EML5: variants seen among roughly 807,000 people sequenced by gnomAD.
EML5 encodes the protein EMAP like 5.
A neutral mutation model predicts 250.0 loss-of-function variants in EML5; 120 were observed. The ratio of observed to expected loss-of-function variants is 0.48; its 90% CI spans 0.41 to 0.56. The LOEUF (loss-of-function observed/expected upper bound fraction) is 0.56. Ranked by LOEUF, EML5 falls within the 20% of genes least tolerant of loss-of-function variation. The pLI, the probability that EML5 is intolerant of heterozygous loss-of-function variation, is 0.00. For missense variants in EML5, 2,006 were observed against 2,437.6 expected (o/e 0.82, Z 3.73); for synonymous variants, 771 against 806.5 (o/e 0.96, Z 0.75).
chr14:88,642,189 T>C (rs933113849), intron 31 of EML5, among the ~76,000 whole-genome samples: 13 of 152,206 alleles, frequency 8.5e-5, no homozygotes. Flanking sequence ...AGATAACCTT[T>C]ATTTTTACTT....
chr14:88,728,953 T>C (rs976526583), intron 7 of EML5, among the ~76,000 whole-genome samples: 3 of 152,198 alleles, frequency 2.0e-5, no homozygotes, highest in Admixed American at 6.5e-5. Flanking sequence ...AATGCTTTTA[T>C]AGTATTTTTA....
intron 7 of EML5, among the ~76,000 whole-genome samples, chr14:88,728,571 G>C (rs893087529): frequency 2.6e-5 from 4 of 152,090 alleles, no homozygotes; most frequent in African/African-American, 9.7e-5. Context: ...AGTAGAAGTG[G>C]ATCATCATAA....
intron 1 of EML5, among the ~76,000 whole-genome samples, chr14:88,766,923 T>G (rs564076185): frequency 6.6e-6 from 1 of 152,346 alleles, no homozygotes; most frequent in South Asian, 2.1e-4. Context: ...TTTCCCCCGA[T>G]AGCACACAGT....
At chr14:88,786,256 T>C (rs936883054) in intron 1 of EML5, among the ~76,000 whole-genome samples, 3 of 152,192 alleles carry the variant, frequency 2.0e-5, no homozygotes, top group African/African-American at 2.4e-5. Context: ...TTTCTCACCT[T>C]CTTTTCCTTA....
chr14:88,620,890 G>C lies in EML5; in HGVS notation c.5239C>G (p.Arg1747Gly). 6.5e-7 allele frequency: 1 copy of C among 1,534,188 alleles called. No individual in the cohort carries two copies. Among genetic ancestry groups the C allele is most frequent in the Non-Finnish European group, 8.7e-7 (1 of 1,146,858 alleles). Residue 1747 changes from arginine (R) to glycine (G), a missense_variant, in exon 39 of 44, where the codon CGT (arginine) becomes GGT (glycine). By Grantham distance (125) the Arg-to-Gly change is moderately radical. Coordinates refer to ENST00000554922, the MANE Select transcript of EML5 (RefSeq NM_183387.3). The surrounding 1 kb of genome is among the most constrained non-coding windows in gnomAD (Gnocchi z 4.3). The stretch of plus-strand genomic sequence containing the variant: ...CCTTCAGGGCTGTAACACACAGTAC[G>C]AGCAGCATGTCCCAAATTCACTTTG... Reference protein sequence around the residue: ...LNKVNLGHAARTVCYSPEGDM... With the variant: ...LNKVNLGHAAGTVCYSPEGDM...
At chr14:88,653,568 C>G (rs959537167) in intron 27 of EML5, among the ~76,000 whole-genome samples, 1 of 152,040 alleles carries the variant, frequency 6.6e-6, no homozygotes, top group Non-Finnish European at 1.5e-5. Flanking sequence ...TGGTTTTTGT[C>G]ATTGGTTCTG....
intron 25 of EML5, among the ~76,000 whole-genome samples, chr14:88,660,850 G>A (rs1452189432): frequency 6.6e-6 from 1 of 151,912 alleles, no homozygotes; most frequent in Non-Finnish European, 1.5e-5. Flanking sequence ...GATTTAAAAT[G>A]CACATATATT....
chr14:88,668,303 G>C (rs2092361820), intron 21 of EML5, among the ~76,000 whole-genome samples: 1 of 152,150 alleles, frequency 6.6e-6, no homozygotes, highest in Non-Finnish European at 1.5e-5. Context: ...AGAAGCGCTG[G>C]AGCAGTCCTA....
chr14:88,669,594 G>C (rs888432285), intron 21 of EML5, among the ~76,000 whole-genome samples: 1 of 152,086 alleles, frequency 6.6e-6, no homozygotes, highest in Non-Finnish European at 1.5e-5. Context: ...TGATCTCCCA[G>C]GGACTGAGCT....
chr14:88,647,940 T>C (rs554436325), intron 28 of EML5, among the ~76,000 whole-genome samples: 1 of 152,266 alleles, frequency 6.6e-6, no homozygotes, highest in African/African-American at 2.4e-5. Context: ...CTGGAGATAC[T>C]TCAAAGGAAA....
At chr14:88,776,208 A>G (rs2094445923) in intron 1 of EML5, among the ~76,000 whole-genome samples, 1 of 152,202 alleles carries the variant, frequency 6.6e-6, no homozygotes, top group African/African-American at 2.4e-5. Flanking sequence ...CCAGACACCA[A>G]AGAATATCTA....
chr14:88,779,856 T>C (rs564072773), intron 1 of EML5, among the ~76,000 whole-genome samples: 1 of 152,354 alleles, frequency 6.6e-6, no homozygotes, highest in South Asian at 2.1e-4. Flanking sequence ...TGTGAGTTCA[T>C]ATGGACATTT....
intron 8 of EML5, among the ~76,000 whole-genome samples, chr14:88,718,951 A>C (rs2093547128): frequency 6.6e-6 from 1 of 152,194 alleles, no homozygotes; most frequent in Non-Finnish European, 1.5e-5. Flanking sequence ...AGAGCAGAAA[A>C]AATATAAATA....
chr14:88,776,957 A>G (rs2094452946), intron 1 of EML5, among the ~76,000 whole-genome samples: 1 of 152,176 alleles, frequency 6.6e-6, no homozygotes, highest in African/African-American at 2.4e-5. Context: ...TCAAAAGGGC[A>G]AATAAAGGAG....
intron 31 of EML5, among the ~76,000 whole-genome samples, chr14:88,639,437 C>T (rs1367910430): frequency 6.6e-6 from 1 of 152,152 alleles, no homozygotes; most frequent in Non-Finnish European, 1.5e-5. Flanking sequence ...AGTGTCAGCC[C>T]ACGATCCTTC....
chr14:88,772,198 C>T (rs2094399900), intron 1 of EML5, among the ~76,000 whole-genome samples: 2 of 152,278 alleles, frequency 1.3e-5, no homozygotes, highest in East Asian at 1.9e-4. Flanking sequence ...TTAGCCTGTC[C>T]TACTGGCTCT....
chr14:88,618,561 T>C (rs1453071966), intron 40 of EML5, 89 bp downstream of exon 40: 16 of 1,430,354 alleles, frequency 1.1e-5, no homozygotes, highest in African/African-American at 1.4e-5. Context: ...GCTGGAGCTC[T>C]GGAGCTCAGG....
chr14:88,621,387 G>C (rs755825999), intron 37 of EML5, 86 bp from the exon 38 acceptor site: 94 of 1,528,242 alleles, frequency 6.2e-5, no homozygotes, highest in Non-Finnish European at 8.3e-5. Flanking sequence ...CTATTGACCT[G>C]CTTTCAGAGA....
In EML5 at chr14:88,618,795, C is replaced by T. The variant is rs200260341; in HGVS notation, c.5393G>A (p.Arg1798Gln). The T allele has an allele frequency of 2.7e-5, 43 of 1,589,232 alleles. No individual in the cohort carries two copies. The highest frequency in any genetic ancestry group is 1.9e-4 in the South Asian group (17 of 87,462). ...CTCACTAGAACCTACTGCCAGATAC[C>T]GGGAATCCGGACTAAATCTGAATCA... ...IHDIRFSPDS[R>Q]YLAVGSSENS... The change falls in exon 40 of 44, where the codon CGG (arginine) becomes CAG (glutamine). Residue 1798 changes from arginine (R) to glutamine (Q), a missense_variant. Arg to Gln is a conservative substitution (Grantham distance 43). This residue lies in a region of EML5 where 405 missense variants were observed against 523.3 expected (regional missense o/e 0.77). Transcript: ENST00000554922.
Sources: gnomAD v4.1 joint callset for allele counts (sites outside exome capture counted in the v4.1 genomes callset) on GRCh38, gnomAD v4.1.1 for gene constraint, gnomAD v4.1.1 regional missense constraint, Gnocchi (gnomAD v3.1) non-coding constraint, MANE v1.5 for transcripts, NCBI Gene and HGNC (gene_info 2026-07-23, HGNC 2026-07-21) for gene names.